The following PDE1C variants were observed in gnomAD, a reference collection of about 807,000 sequenced individuals.
PDE1C encodes phosphodiesterase 1C.
A neutral mutation model predicts 93.1 loss-of-function variants in PDE1C; 62 were observed. The ratio of observed to expected loss-of-function variants is 0.67; its 90% CI spans 0.54 to 0.82. PDE1C has a LOEUF of 0.82. PDE1C is among the 40% of genes least tolerant of loss of function. The probability of loss-of-function intolerance (pLI) is 0.00; values close to 1 mark genes in which losing one functional copy is unlikely to be tolerated. For synonymous variants in PDE1C, 325 were observed against 310.1 expected, an observed-to-expected ratio of 1.05 and a Z score of -0.50; for missense variants, 742 against 884.6, an observed-to-expected ratio of 0.84 and a Z score of 2.04.
chr7:32,301,072 C>T (rs1355999330), upstream of PDE1C, among the ~76,000 whole-genome samples: 1 of 152,098 alleles, frequency 6.6e-6, no homozygotes, highest in Non-Finnish European at 1.5e-5. Flanking sequence ...CTCCCGAGCT[C>T]AAGTCACCCT....
chr7:31,789,536 C>A (rs1402703564), intron 16 of PDE1C: 9 of 521,502 alleles, frequency 1.7e-5, no homozygotes, highest in Non-Finnish European at 1.7e-5. Flanking sequence ...ACCAGCTGAA[C>A]ATTCAGGTTT....
chr7:32,200,433 A>G (rs1360784452), intron 2 of PDE1C, among the ~76,000 whole-genome samples: 1 of 152,250 alleles, frequency 6.6e-6, no homozygotes, highest in East Asian at 1.9e-4. Flanking sequence ...CTCAAGAGCC[A>G]GAAAAGCCAA....
intron 2 of PDE1C, among the ~76,000 whole-genome samples, chr7:31,884,672 C>T (rs1277635377): frequency 6.6e-6 from 1 of 152,162 alleles, no homozygotes; most frequent in Admixed American, 6.5e-5. Flanking sequence ...CCTCAGCCCA[C>T]CTTTCTCTAG....
chr7:31,702,597 A>G, the PDE1C span, among the ~76,000 whole-genome samples: 8 of 152,176 alleles, frequency 5.3e-5, no homozygotes, highest in Non-Finnish European at 1.0e-4. Flanking sequence ...CAGCATGCAA[A>G]TACCCAAAAC....
At chr7:31,914,446 G>A (rs968697311) in intron 2 of PDE1C, among the ~76,000 whole-genome samples, 2 of 152,062 alleles carry the variant, frequency 1.3e-5, no homozygotes, top group African/African-American at 4.8e-5. Context: ...TTTTCTCTTT[G>A]TTAATTAAAT....
chr7:32,206,294 A>C (rs1286178114), intron 2 of PDE1C, among the ~76,000 whole-genome samples: 1 of 152,070 alleles, frequency 6.6e-6, no homozygotes, highest in Non-Finnish European at 1.5e-5. Flanking sequence ...AAGGAGCAGA[A>C]AGGGGCCAGT....
At chr7:32,404,083 T>G (rs1432799012) in intron 1 of PDE1C, among the ~76,000 whole-genome samples, 1 of 152,140 alleles carries the variant, frequency 6.6e-6, no homozygotes. Flanking sequence ...AACTGCTGGG[T>G]CTGACTCCTG....
intron 2 of PDE1C, among the ~76,000 whole-genome samples, chr7:31,884,539 C>A (rs1406894578): frequency 2.0e-5 from 3 of 152,212 alleles, no homozygotes; most frequent in South Asian, 4.1e-4. Context: ...ATGTCAGATA[C>A]AAGCTGCAGC....
At chr7:31,714,139 A>T in the PDE1C span, among the ~76,000 whole-genome samples, 1 of 152,196 alleles carries the variant, frequency 6.6e-6, no homozygotes, top group African/African-American at 2.4e-5. Flanking sequence ...AATGCTTTTA[A>T]CAGCACCCAA....
chr7:32,261,361 A>G (rs546556980), intron 1 of PDE1C, among the ~76,000 whole-genome samples: 16 of 152,110 alleles, frequency 1.1e-4, no homozygotes, highest in African/African-American at 3.6e-4. Context: ...TCAACCCCCT[A>G]TGATTCCATC....
At chr7:31,618,386 C>T in the PDE1C span, among the ~76,000 whole-genome samples, 2 of 152,154 alleles carry the variant, frequency 1.3e-5, no homozygotes, top group African/African-American at 4.8e-5. Context: ...TAACACACAC[C>T]ACTACTAATT....
intron 2 of PDE1C, among the ~76,000 whole-genome samples, chr7:31,928,908 T>C (rs1366801999): frequency 6.6e-6 from 1 of 152,178 alleles, no homozygotes; most frequent in Non-Finnish European, 1.5e-5. Flanking sequence ...AGCATCATGA[T>C]GACAGGATCA....
intron 14 of PDE1C, among the ~76,000 whole-genome samples, chr7:31,822,800 T>C (rs532838101): frequency 4.1e-4 from 63 of 152,164 alleles, no homozygotes; most frequent in Admixed American, 2.2e-3. Context: ...AATCAAGAAA[T>C]AATAACACCC....
At chr7:31,691,824 C>CAAAAAAAAAAA in the PDE1C span, among the ~76,000 whole-genome samples, 4 of 89,572 alleles carry the variant, frequency 4.5e-5, no homozygotes, top group African/African-American at 1.4e-4. Flanking sequence ...AAAAAAAAAC[C>CAAAAAAAAAAA]AAGCAAAAAA....
chr7:31,964,338 C>T (rs941511984), intron 2 of PDE1C, among the ~76,000 whole-genome samples: 1 of 152,214 alleles, frequency 6.6e-6, no homozygotes, highest in Non-Finnish European at 1.5e-5. Flanking sequence ...GGGTCCTATG[C>T]CCACGGAGCC....
intron 2 of PDE1C, among the ~76,000 whole-genome samples, chr7:31,976,206 A>T (rs1206611728): frequency 2.0e-5 from 3 of 152,208 alleles, no homozygotes; most frequent in Non-Finnish European, 4.4e-5. Flanking sequence ...ATAATAGATG[A>T]AGAATTATGG....
intron 1 of PDE1C, among the ~76,000 whole-genome samples, chr7:32,318,402 C>T (rs1255113657): frequency 6.6e-6 from 1 of 152,186 alleles, no homozygotes; most frequent in African/African-American, 2.4e-5. Context: ...TTTGGGAAAA[C>T]ACGGGCTCTT....
chr7:32,012,540 G>A (rs1787284031), intron 2 of PDE1C, among the ~76,000 whole-genome samples: 1 of 152,192 alleles, frequency 6.6e-6, no homozygotes, highest in African/African-American at 2.4e-5. Flanking sequence ...ATCTGTGTAT[G>A]TAAAATTCTA....
upstream of PDE1C, among the ~76,000 whole-genome samples, chr7:32,072,325 A>T (rs1387925357): frequency 6.6e-6 from 1 of 152,212 alleles, no homozygotes; most frequent in Non-Finnish European, 1.5e-5. Context: ...GCAGCCTTTT[A>T]AGGTTTATGG....
Sources: allele counts gnomAD v4.1 joint callset (sites outside exome capture counted in the v4.1 genomes callset), GRCh38; gene constraint gnomAD v4.1.1; transcripts MANE v1.5; gene names NCBI Gene and HGNC (gene_info 2026-07-23, HGNC 2026-07-21).